Variants in GRM7 observed in about 807,000 individuals in gnomAD.
GRM7 encodes the protein metabotropic glutamate receptor 7.
In GRM7, 35 loss-of-function variants were observed where a neutral mutation model predicts 84.5. The observed-to-expected ratio is 0.41, with a 90% CI of 0.32 to 0.55. The LOEUF is 0.55. GRM7 is among the 20% of genes least tolerant of loss of function. GRM7 has a pLI of 0.19. For synonymous variants in GRM7, 487 were observed against 455.1 expected, an observed-to-expected ratio of 1.07 and a Z score of -0.89; for missense variants, 1,003 against 1,194.6, an observed-to-expected ratio of 0.84 and a Z score of 2.36.
rs561183882 is a variant in GRM7, at chr3:7,458,996, G to A, written c.1376-2587G>A. Among the ~76,000 whole-genome samples the A allele has an allele frequency of 2.6e-5, 4 of 152,220 alleles. No homozygotes were observed. The East Asian group carries it at 7.7e-4, about 29-fold the overall frequency. Reference sequence around the variant, plus strand: ...AAGCCAATATTAAAAATCTTTTGTTGTTATTGATGTTTTTGTTGTCATTAT... The same window carrying A: ...AAGCCAATATTAAAAATCTTTTGTTATTATTGATGTTTTTGTTGTCATTAT... On this transcript the variant is annotated intron_variant, in intron 6 of 9. Coordinates refer to ENST00000357716, the MANE Select transcript of GRM7 (RefSeq NM_000844.4).
At chr3:7,344,993 C>T (rs144898623) in intron 4 of GRM7, among the ~76,000 whole-genome samples, 26 of 152,224 alleles carry the variant, frequency 1.7e-4, no homozygotes, top group Middle Eastern at 3.4e-3. Flanking sequence ...TTGATCATTA[C>T]ACATTATACA....
chr3:7,477,326 T>G (rs1698961862), intron 7 of GRM7, among the ~76,000 whole-genome samples: 1 of 152,034 alleles, frequency 6.6e-6, no homozygotes, highest in South Asian at 2.1e-4. Flanking sequence ...TTACTAAAGC[T>G]CCATCTTGTC....
rs1450656849 is a variant in GRM7 at position 7,172,311 on chromosome 3, G to T, written c.736+25643G>T. ...TGTTAAATAAACCACATTCCTCTAG[G>T]TTTTAAATGTTTGCAACAGTTCTTC... On this transcript the variant is annotated intron_variant, in intron 2 of 9. Coordinates refer to ENST00000357716, the MANE Select transcript of GRM7 (RefSeq NM_000844.4). Among the ~76,000 whole-genome samples, 3 of 152,188 alleles carry T rather than the reference G, an allele frequency of 2.0e-5. No individual in the cohort carries two copies. In the East Asian group the frequency reaches 5.8e-4, roughly 29 times the overall value.
At position 7,333,459 on chromosome 3, in the gene GRM7, G is replaced by A. The variant is rs368130200; in HGVS notation, c.1033+26807G>A. ...GAGGAAAGCACCACATCGAGGGATC[G>A]CCCCATGGGGCAAAAGAATCTGAAC... On this transcript the variant is annotated intron_variant, in intron 4 of 9. Transcript: ENST00000357716. Among the ~76,000 whole-genome samples the A allele has an allele frequency of 7.2e-5, 11 of 152,294 alleles. No individual in the cohort carries two copies. In the East Asian group the frequency reaches 7.7e-4, roughly 11 times the overall value.
At chr3:7,726,713 G>A (rs1702147177) in intron 9 of GRM7, among the ~76,000 whole-genome samples, 1 of 136,226 alleles carries the variant, frequency 7.3e-6, no homozygotes, top group African/African-American at 2.7e-5. Context: ...CATCATGACT[G>A]TAATACTCCT....
intron 9 of GRM7, among the ~76,000 whole-genome samples, chr3:7,719,058 T>C (rs1182356334): frequency 1.3e-5 from 2 of 152,130 alleles, no homozygotes; most frequent in Non-Finnish European, 2.9e-5. Flanking sequence ...GTGGTTGTGG[T>C]AATGGTGTGA....
chr3:7,086,535 A>G (rs1382774684), intron 1 of GRM7, among the ~76,000 whole-genome samples: 1 of 152,202 alleles, frequency 6.6e-6, no homozygotes, highest in African/African-American at 2.4e-5. Context: ...TTCCAAAGAT[A>G]TCTTTCACAA....
chr3:7,730,153 G>A (rs183376201), intron 9 of GRM7, among the ~76,000 whole-genome samples: 226 of 151,430 alleles, frequency 1.5e-3, no homozygotes, highest in Non-Finnish European at 2.7e-3. Context: ...GATTACAGGC[G>A]CCCACCACCA....
At chr3:7,392,949 G>C (rs952251741) in intron 4 of GRM7, among the ~76,000 whole-genome samples, 2 of 152,100 alleles carry the variant, frequency 1.3e-5, no homozygotes, top group African/African-American at 4.8e-5. Flanking sequence ...CTGGGCAGCG[G>C]CTGCAGACAC....
At chr3:7,625,001 G>A (rs1476874016) in intron 8 of GRM7, among the ~76,000 whole-genome samples, 2 of 152,156 alleles carry the variant, frequency 1.3e-5, no homozygotes, top group Admixed American at 6.6e-5. Flanking sequence ...TAATAGCAAT[G>A]CTAATATGCT....
At chr3:6,888,390 T>C (rs1695790749) in intron 1 of GRM7, among the ~76,000 whole-genome samples, 1 of 152,184 alleles carries the variant, frequency 6.6e-6, no homozygotes, top group Non-Finnish European at 1.5e-5. Context: ...CTTTAATCCA[T>C]CTTGAATTAA....
chr3:7,622,137 T>C (rs1248124397), intron 8 of GRM7, among the ~76,000 whole-genome samples: 1 of 152,158 alleles, frequency 6.6e-6, no homozygotes, highest in Non-Finnish European at 1.5e-5. Flanking sequence ...GGGCTATTCC[T>C]GTCCCAAAAG....
At chr3:6,929,636 G>C (rs73808489) in intron 1 of GRM7, among the ~76,000 whole-genome samples, 1,604 of 152,212 alleles carry the variant, frequency 0.011, 29 homozygotes, top group African/African-American at 0.037. Flanking sequence ...CTAGAGGACA[G>C]GTATTGATGC....
rs557355473 is a variant in GRM7 at position 7,477,324 on chromosome 3, G to A, written c.1515+15602G>A. Among the ~76,000 whole-genome samples, 533 of 152,022 alleles carry A rather than the reference G, an allele frequency of 3.5e-3. 1 individual carries two copies. Among genetic ancestry groups the A allele is most frequent in the African/African-American group, 0.011 (469 of 41,470 alleles). Reference sequence around the variant, plus strand: ...CAAAGTCTTACTAGATCTTACTAAAGCTCCATCTTGTCTAAAGTCTTCTTT... The same window carrying A: ...CAAAGTCTTACTAGATCTTACTAAAACTCCATCTTGTCTAAAGTCTTCTTT... On this transcript the variant is annotated intron_variant, in intron 7 of 9. Transcript: ENST00000357716.
chr3:7,644,208 C>CG (rs1698513536), intron 8 of GRM7, among the ~76,000 whole-genome samples: 1 of 136,218 alleles, frequency 7.3e-6, no homozygotes, highest in East Asian at 2.0e-4. Flanking sequence ...ATATATATGT[C>CG]TGTACATATA....
intron 1 of GRM7, among the ~76,000 whole-genome samples, chr3:6,997,404 A>T (rs1230801237): frequency 6.6e-6 from 1 of 152,200 alleles, no homozygotes; most frequent in Non-Finnish European, 1.5e-5. Context: ...CACCTCAGGA[A>T]GCTTACACTC....
chr3:7,456,294 A>G (rs1484564839), intron 6 of GRM7, among the ~76,000 whole-genome samples: 2 of 152,138 alleles, frequency 1.3e-5, no homozygotes, highest in Admixed American at 6.6e-5. Flanking sequence ...TTTTGTCTAG[A>G]TGGTCTTGTC....
At chr3:7,014,848 G>C (rs1390084694) in intron 1 of GRM7, among the ~76,000 whole-genome samples, 1 of 152,224 alleles carries the variant, frequency 6.6e-6, no homozygotes, top group African/African-American at 2.4e-5. Flanking sequence ...GTGGGGACTT[G>C]GAGAACTTTT....
At chr3:7,300,604 T>G (rs1358137618) in intron 3 of GRM7, among the ~76,000 whole-genome samples, 1 of 152,110 alleles carries the variant, frequency 6.6e-6, no homozygotes, top group Non-Finnish European at 1.5e-5. Flanking sequence ...GATTTGCTAC[T>G]GTAGGCACAC....
Sources: allele counts gnomAD v4.1 joint callset (sites outside exome capture counted in the v4.1 genomes callset), GRCh38; gene constraint gnomAD v4.1.1; transcripts MANE v1.5; gene names NCBI Gene and HGNC (gene_info 2026-07-23, HGNC 2026-07-21).